RMDN2: variants seen among roughly 807,000 people sequenced by gnomAD.
The protein encoded by RMDN2 is regulator of microtubule dynamics 2, also known as regulator of microtubule dynamics protein 2.
A neutral mutation model predicts 52.8 loss-of-function variants in RMDN2; 61 were observed. That is an observed-to-expected ratio of 1.16 (90% CI 0.94 to 1.43). The LOEUF (loss-of-function observed/expected upper bound fraction) is 1.43, where lower values mean the gene tolerates loss of function less well. Ranked by LOEUF, RMDN2 falls within the 40% of genes most tolerant of loss-of-function variation. RMDN2 has a pLI of 0.00. For missense variants in RMDN2, 592 were observed against 475.3 expected, an observed-to-expected ratio of 1.25 and a Z score of -2.28; for synonymous variants, 180 against 153.1, an observed-to-expected ratio of 1.18 and a Z score of -1.30.
At chr2:38,052,513 A>G (rs1681664489) in intron 10 of RMDN2, among the ~76,000 whole-genome samples, 1 of 152,092 alleles carries the variant, frequency 6.6e-6, no homozygotes, top group East Asian at 1.9e-4. Context: ...TGCTGTACAG[A>G]AGGTTTTTGG....
chr2:38,011,065 G>A (rs1361623002), intron 10 of RMDN2, among the ~76,000 whole-genome samples: 1 of 152,160 alleles, frequency 6.6e-6, no homozygotes, highest in African/African-American at 2.4e-5. Context: ...TAATTCCGGG[G>A]AGCTGGAGAT....
At chr2:38,050,636 G>A (rs1214951815) in intron 10 of RMDN2, among the ~76,000 whole-genome samples, 8 of 152,076 alleles carry the variant, frequency 5.3e-5, no homozygotes, top group Non-Finnish European at 8.8e-5. Context: ...GATGAGGCAG[G>A]GCAAATAAAA....
chr2:37,980,864 G>A (rs941583504), intron 4 of RMDN2, among the ~76,000 whole-genome samples: 1 of 151,856 alleles, frequency 6.6e-6, no homozygotes, highest in East Asian at 1.9e-4. Context: ...AGCTCTTGGA[G>A]GTCAAGGACT....
chr2:37,968,438 C>CAAAA (rs71400332), intron 2 of RMDN2, among the ~76,000 whole-genome samples: 186 of 88,320 alleles, frequency 2.1e-3, no homozygotes, highest in East Asian at 5.5e-3. Flanking sequence ...GACTCTGTCT[C>CAAAA]AAAAAAAAAA....
chr2:37,941,214 A>G (rs1667756659), intron 2 of RMDN2, among the ~76,000 whole-genome samples: 1 of 152,102 alleles, frequency 6.6e-6, no homozygotes. Flanking sequence ...CCTGGGTATC[A>G]CCAGTGAAGG....
chr2:37,969,628 G>T (rs1009019763), intron 2 of RMDN2, among the ~76,000 whole-genome samples: 1 of 151,812 alleles, frequency 6.6e-6, no homozygotes, highest in Non-Finnish European at 1.5e-5. Flanking sequence ...CAAAAAATAA[G>T]ATTGTTTCTT....
intron 2 of RMDN2, among the ~76,000 whole-genome samples, chr2:37,934,820 T>G (rs547639417): frequency 7.2e-5 from 11 of 152,312 alleles, no homozygotes; most frequent in Admixed American, 2.6e-4. Context: ...TTTTTTAAGC[T>G]TCCTACCTCT....
At chr2:37,938,846 A>G (rs539592707) in intron 2 of RMDN2, among the ~76,000 whole-genome samples, 119 of 152,222 alleles carry the variant, frequency 7.8e-4, no homozygotes, top group African/African-American at 2.6e-3. Flanking sequence ...TCAAAACACC[A>G]GCTCCTGGAT....
intron 4 of RMDN2, among the ~76,000 whole-genome samples, chr2:37,977,216 A>G (rs1409944581): frequency 1.3e-5 from 2 of 152,258 alleles, no homozygotes; most frequent in African/African-American, 4.8e-5. Context: ...TTAGTACAGA[A>G]CAAAATGGAG....
chr2:38,018,088 C>A (rs970444458), downstream of RMDN2, among the ~76,000 whole-genome samples: 7 of 152,176 alleles, frequency 4.6e-5, no homozygotes, highest in Non-Finnish European at 1.5e-5. Context: ...AAGGCAGGGA[C>A]CAGCCATTTT....
intron 2 of RMDN2, among the ~76,000 whole-genome samples, chr2:37,942,972 T>A (rs1350296844): frequency 6.6e-6 from 1 of 152,220 alleles, no homozygotes; most frequent in Non-Finnish European, 1.5e-5. Context: ...CAAGCACCTT[T>A]CCATCCTGCA....
chr2:37,997,377 G>A (rs1235037997), intron 7 of RMDN2, 39 bp from the exon 8 acceptor site: 1 of 1,314,330 alleles, frequency 7.6e-7, no homozygotes, highest in African/African-American at 1.4e-5. Context: ...TTCAAAAGGT[G>A]AACAACTTTC....
At position 37,955,439 on chromosome 2, in the gene RMDN2, A is replaced by G. The variant is rs189245428; in HGVS notation, c.453-18601A>G. On this transcript the variant is annotated intron_variant, in intron 2 of 10. Transcript: ENST00000354545. Reference sequence around the variant, plus strand: ...TTTGTCAAATGCTTTTTCTGCATCAATGGAGATGATCATGGGTTGTTTTTC... The same window carrying G: ...TTTGTCAAATGCTTTTTCTGCATCAGTGGAGATGATCATGGGTTGTTTTTC... 1.7e-3 allele frequency among the ~76,000 whole-genome samples: 260 copies of G among 152,244 alleles called. 1 individual carries two copies. The highest frequency in any genetic ancestry group is 5.7e-3 in the African/African-American group (238 of 41,550).
At chr2:38,046,328 AC>A in intron 10 of RMDN2, among the ~76,000 whole-genome samples, 1 of 152,210 alleles carries the variant, frequency 6.6e-6, no homozygotes, top group East Asian at 1.9e-4. Flanking sequence ...TGACTGCTAA[AC>A]TATGCTGTTC....
rs1271721019 is a variant in RMDN2, at chr2:38,030,242, A to AT, written c.1713+26032dup. On this transcript the variant is annotated intron_variant, in intron 10 of 10. Coordinates refer to the RMDN2 transcript ENST00000234195. ...TACAGATCTGTGTGCATTCTACTTT[A>AT]TTTTTTACTGTTACACCCTTCATTG... 7.2e-5 allele frequency: 11 copies of AT among 152,122 alleles called. 1 individual carries two copies. Among genetic ancestry groups the AT allele is most frequent in the African/African-American group, 2.4e-5 (1 of 41,404 alleles). 9.4% of individuals were successfully genotyped at this position (152,122 alleles called of 1,614,324 possible).
chr2:38,018,623 A>G (rs762024874), downstream of RMDN2, among the ~76,000 whole-genome samples: 4 of 152,262 alleles, frequency 2.6e-5, no homozygotes, highest in Non-Finnish European at 5.9e-5. Context: ...GTACATACAT[A>G]GGATCTCAAC....
rs755328877 is a variant in RMDN2 at position 38,042,426 on chromosome 2, A to AC, written c.1714-24555dup. ...CGCCACACACACACACACACACACC[A>AC]CACACACACACACACACCACACACA... On this transcript the variant is annotated intron_variant, in intron 10 of 10. Coordinates refer to the RMDN2 transcript ENST00000234195. 1.6e-3 allele frequency among the ~76,000 whole-genome samples: 235 copies of AC among 144,270 alleles called. 4 individuals carry two copies. The highest frequency in any genetic ancestry group is 5.6e-3 in the East Asian group (28 of 5,034). The allele number at this position is 144,270 out of a possible 152,430, so 94.6% of individuals were successfully genotyped here.
chr2:38,036,103 C>A (rs1482553502), intron 10 of RMDN2: 2 of 152,022 alleles, frequency 1.3e-5, no homozygotes, highest in Non-Finnish European at 2.9e-5. Context: ...TGTTGCCCAA[C>A]TTGAAGATAA....
chr2:37,928,681 G>A (rs940116217), intron 1 of RMDN2: 3 of 152,124 alleles, frequency 2.0e-5, no homozygotes, highest in Non-Finnish European at 4.4e-5. Context: ...CCCATCAAAG[G>A]TCAACTCCTG....
Sources: allele counts gnomAD v4.1 joint callset (sites outside exome capture counted in the v4.1 genomes callset), GRCh38; gene constraint gnomAD v4.1.1; transcripts MANE v1.5; gene names NCBI Gene and HGNC (gene_info 2026-07-23, HGNC 2026-07-21).